The following NPAS3 variants were observed in gnomAD, a reference collection of about 807,000 sequenced individuals.
NPAS3 encodes neuronal PAS domain protein 3.
Under a neutral mutation model 73.1 loss-of-function variants are expected in NPAS3, and 14 were observed. That is an observed-to-expected ratio of 0.19 (90% CI 0.13 to 0.30). The LOEUF is 0.30. Ranked by LOEUF, NPAS3 falls within the 10% of genes least tolerant of loss-of-function variation. The probability of loss-of-function intolerance (pLI) is 1.00; values close to 1 mark genes in which losing one functional copy is unlikely to be tolerated. For synonymous variants in NPAS3, 620 were observed against 541.5 expected (o/e 1.14, Z -2.01); for missense variants, 1,096 against 1,250.0 (o/e 0.88, Z 1.86).
intron 1 of NPAS3, among the ~76,000 whole-genome samples, chr14:33,025,094 T>C (rs1291887636): frequency 1.3e-5 from 2 of 152,088 alleles, no homozygotes; most frequent in Non-Finnish European, 2.9e-5. Flanking sequence ...AAATAAGAAG[T>C]TTATAAAAAA....
At chr14:33,147,632 G>A (rs1024222712) in intron 2 of NPAS3, among the ~76,000 whole-genome samples, 6 of 150,996 alleles carry the variant, frequency 4.0e-5, no homozygotes, top group Admixed American at 6.6e-5. Flanking sequence ...TGTAAATGAC[G>A]AGTTAATGGG....
At chr14:33,644,933 T>G (rs760134357) in intron 5 of NPAS3, among the ~76,000 whole-genome samples, 12 of 151,876 alleles carry the variant, frequency 7.9e-5, no homozygotes, top group South Asian at 4.2e-4. Flanking sequence ...ATACAAAATT[T>G]ATCCAGGTGT....
intron 3 of NPAS3, among the ~76,000 whole-genome samples, chr14:33,306,103 T>C (rs1425325437): frequency 1.3e-5 from 2 of 152,162 alleles, no homozygotes; most frequent in Admixed American, 1.3e-4. Context: ...GTAAAATATT[T>C]AAACTAGTAT....
chr14:33,542,228 A>G (rs1013046256), intron 4 of NPAS3, among the ~76,000 whole-genome samples: 6 of 152,164 alleles, frequency 3.9e-5, no homozygotes, highest in African/African-American at 7.2e-5. Context: ...ACGTTTAGGC[A>G]GGGTCTTTCT....
intron 6 of NPAS3, among the ~76,000 whole-genome samples, chr14:33,721,215 G>A (rs1333549759): frequency 2.0e-5 from 3 of 152,054 alleles, no homozygotes; most frequent in Admixed American, 1.3e-4. Context: ...GACCACCTCT[G>A]TCTTCCCCTA....
intron 3 of NPAS3, among the ~76,000 whole-genome samples, chr14:33,354,897 A>G (rs1258886338): frequency 6.6e-6 from 1 of 152,158 alleles, no homozygotes; most frequent in Non-Finnish European, 1.5e-5. Flanking sequence ...ACTATGCAAT[A>G]GCCACGTTTT....
At chr14:33,711,167 C>G (rs1296274380) in intron 6 of NPAS3, among the ~76,000 whole-genome samples, 10 of 152,128 alleles carry the variant, frequency 6.6e-5, no homozygotes, top group Non-Finnish European at 1.5e-4. Flanking sequence ...TATCTTATAA[C>G]TGCACATTAA....
intron 1 of NPAS3, among the ~76,000 whole-genome samples, chr14:33,029,230 G>A (rs534822374): frequency 6.6e-6 from 1 of 152,276 alleles, no homozygotes; most frequent in African/African-American, 2.4e-5. Flanking sequence ...AGTGACGGAC[G>A]CTTTCTCCTC....
chr14:33,010,015 T>G (rs1444121588), intron 1 of NPAS3, among the ~76,000 whole-genome samples: 2 of 152,136 alleles, frequency 1.3e-5, no homozygotes, highest in Non-Finnish European at 2.9e-5. Flanking sequence ...GGCTAATAAT[T>G]GTACTGTGTG....
intron 6 of NPAS3, among the ~76,000 whole-genome samples, chr14:33,731,320 G>A (rs1366118260): frequency 9.2e-5 from 14 of 151,558 alleles, no homozygotes; most frequent in Admixed American, 9.2e-4. Flanking sequence ...TCAGGAGGCT[G>A]AGGCAGGAGA....
chr14:33,670,354 G>A (rs2059576331), intron 5 of NPAS3, among the ~76,000 whole-genome samples: 1 of 151,976 alleles, frequency 6.6e-6, no homozygotes, highest in African/African-American at 2.4e-5. Context: ...ATTTATACAC[G>A]TATTTCTGTA....
At chr14:33,058,424 T>C (rs1224110823) in intron 2 of NPAS3, among the ~76,000 whole-genome samples, 1 of 152,210 alleles carries the variant, frequency 6.6e-6, no homozygotes, top group Non-Finnish European at 1.5e-5. Flanking sequence ...TTGTTATCCA[T>C]GAAAGCAGGT....
intron 5 of NPAS3, among the ~76,000 whole-genome samples, chr14:33,626,791 A>G (rs1254076928): frequency 1.3e-5 from 2 of 152,200 alleles, no homozygotes; most frequent in Admixed American, 1.3e-4. Flanking sequence ...CAAATACATC[A>G]GTTTTGTAGT....
intron 3 of NPAS3, among the ~76,000 whole-genome samples, chr14:33,244,659 A>G (rs1310892611): frequency 1.3e-5 from 2 of 152,210 alleles, no homozygotes; most frequent in Non-Finnish European, 2.9e-5. Flanking sequence ...AATGGCCTCT[A>G]AGTGGTACAG....
chr14:33,216,733 G>A (rs1380555258), intron 3 of NPAS3, among the ~76,000 whole-genome samples: 1 of 152,146 alleles, frequency 6.6e-6, no homozygotes, highest in Non-Finnish European at 1.5e-5. Context: ...ATAGGCAGCA[G>A]CCACAACATT....
intron 1 of NPAS3, among the ~76,000 whole-genome samples, chr14:32,977,753 T>C (rs2037747734): frequency 6.6e-6 from 1 of 152,146 alleles, no homozygotes; most frequent in South Asian, 2.1e-4. Flanking sequence ...AAATTTCTCA[T>C]TTGAAAAACT....
At chr14:33,418,885 G>A (rs2048262769) in intron 4 of NPAS3, among the ~76,000 whole-genome samples, 1 of 151,798 alleles carries the variant, frequency 6.6e-6, no homozygotes, top group African/African-American at 2.4e-5. Flanking sequence ...ACTCCCCTTT[G>A]TGCATCTGTT....
At chr14:33,307,991 T>C (rs2042827765) in intron 3 of NPAS3, among the ~76,000 whole-genome samples, 1 of 152,070 alleles carries the variant, frequency 6.6e-6, no homozygotes, top group Non-Finnish European at 1.5e-5. Context: ...GCGACTTGGG[T>C]CCCGCTGCAA....
intron 8 of NPAS3, among the ~76,000 whole-genome samples, chr14:33,774,847 G>A (rs1252595937): frequency 1.3e-5 from 2 of 152,186 alleles, no homozygotes; most frequent in African/African-American, 4.8e-5. Flanking sequence ...GCAGTAAAAT[G>A]TATTGCCTGA....
Sources: gnomAD v4.1 joint callset for allele counts (sites outside exome capture counted in the v4.1 genomes callset) on GRCh38, gnomAD v4.1.1 for gene constraint, MANE v1.5 for transcripts, NCBI Gene and HGNC (gene_info 2026-07-23, HGNC 2026-07-21) for gene names.